The following ACTL6A variants were observed in gnomAD, a reference collection of about 807,000 sequenced individuals.
ACTL6A encodes actin-like protein 6A.
A neutral mutation model predicts 59.2 loss-of-function variants in ACTL6A; 5 were observed. The observed-to-expected ratio is 0.08, with a 90% CI of 0.04 to 0.18. The LOEUF (loss-of-function observed/expected upper bound fraction) is 0.18, where lower values mean the gene tolerates loss of function less well. Among genes scored for constraint, ACTL6A ranks in the 10% least tolerant of loss-of-function variants. ACTL6A has a pLI of 1.00. For synonymous variants in ACTL6A, 154 were observed against 171.8 expected (o/e 0.90, Z 0.81); for missense variants, 285 against 526.9 (o/e 0.54, Z 4.49).
At chr3:179,571,428 A>C (rs1718004103) in intron 3 of ACTL6A, among the ~76,000 whole-genome samples, 1 of 52,290 alleles carries the variant, frequency 1.9e-5, no homozygotes, top group African/African-American at 3.7e-5. Context: ...CTCAAAAAAA[A>C]AAACAAAAAA....
chr3:179,570,271 T>C lies in ACTL6A; in HGVS notation c.277+30T>C. The C allele has an allele frequency of 6.3e-7, 1 of 1,584,368 alleles. No individual in the cohort carries two copies. Among genetic ancestry groups the C allele is most frequent in the African/African-American group, 1.3e-5 (1 of 74,112 alleles). On this transcript the variant is annotated intron_variant, in intron 3 of 13. Transcript: ENST00000429709. This position sits in a 1 kb window ranked among gnomAD's most constrained non-coding sequence, Gnocchi z 4.3. The stretch of plus-strand genomic sequence containing the variant: ...GATGTTTTCCCCATGGAATTGATTA[T>C]GGAGTGTACATGTTATATTTTAGAT...
intron 1 of ACTL6A, 142 bp downstream of exon 1, chr3:179,563,259 C>T: frequency 7.3e-7 from 1 of 1,367,720 alleles, no homozygotes; most frequent in Non-Finnish European, 9.8e-7. Flanking sequence ...GTCCCCGCCC[C>T]ACGCTCTGCC....
chr3:179,573,449 G>C lies in ACTL6A; in HGVS notation c.358G>C (p.Val120Leu), dbSNP rs772675736. The C allele has an allele frequency of 1.3e-6, 2 of 1,576,184 alleles. No homozygotes were observed. The highest frequency in any genetic ancestry group is 2.4e-5 in the South Asian group (2 of 82,420). Residue 120 changes from valine to leucine, a missense_variant, in exon 4 of 14, where the codon GTT becomes CTT. Physicochemically the swap from Val to Leu is conservative, Grantham distance 32. Coordinates refer to ENST00000429709, the MANE Select transcript of ACTL6A (RefSeq NM_004301.5). ...HVKSEASLHP[V>L]LMSEAPWNTR... ...CAAATCAGAAGCCAGTCTCCATCCT[G>C]TTCTCATGTCAGAGGCACCGGTGAG...
intron 1 of ACTL6A, among the ~76,000 whole-genome samples, chr3:179,564,323 AT>A (rs1324865973): frequency 6.6e-6 from 1 of 152,140 alleles, no homozygotes. Context: ...CAAAAATAAG[AT>A]TTTTCCTTCA....
intron 13 of ACTL6A, 150 bp downstream of exon 13, chr3:179,586,782 T>C: frequency 1.6e-6 from 1 of 636,014 alleles, no homozygotes; most frequent in Non-Finnish European, 2.6e-6. Flanking sequence ...CAGTTTTATG[T>C]GTTCTGATGT....
Position 179,580,213 on chromosome 3 carries a change from T to C in ACTL6A, c.769-427T>C, listed in dbSNP as rs190275358. On this transcript the variant is annotated intron_variant, in intron 8 of 13. Transcript: ENST00000429709. ...GTCGTGTTAGTTCACAACATTTTAT[T>C]AAACTGTTTTATACTATGTACAGTC... 3.9e-5 allele frequency among the ~76,000 whole-genome samples: 6 copies of C among 152,358 alleles called. No homozygotes were observed. In the East Asian group the frequency reaches 1.2e-3, roughly 29 times the overall value.
At position 179,570,157 on chromosome 3, in the gene ACTL6A, G is replaced by A. The variant is rs142727005; in HGVS notation, c.193G>A (p.Gly65Ser). 5.2e-5 allele frequency: 84 copies of A among 1,613,922 alleles called. No individual in the cohort carries two copies. In the African/African-American group the frequency reaches 6.0e-4, roughly 12 times the overall value. The change falls in exon 3 of 14, where the codon GGT becomes AGT. Residue 65 changes from glycine (G) to serine (S), a missense_variant. Transcript: ENST00000429709. The surrounding 1 kb of genome is among the most constrained non-coding windows in gnomAD (Gnocchi z 4.3). ...AGATGGCGATAAAGGCAAACAAGGC[G>A]GTCCCACCTACTACATAGATACTAA... ...EIDGDKGKQG[G>S]PTYYIDTNAL...
In ACTL6A at chr3:179,572,982, C is replaced by CT. The variant is rs71628083; in HGVS notation, c.278-371dup. On this transcript the variant is annotated intron_variant, in intron 3 of 13. Coordinates refer to ENST00000429709, the MANE Select transcript of ACTL6A (RefSeq NM_004301.5). ...TCGGGTCTAGACCATACAATTCTTTCTTTTTTTTTTTTTTTTATAAATCCA... is the reference window on the plus strand; with the variant it reads ...TCGGGTCTAGACCATACAATTCTTTCTTTTTTTTTTTTTTTTTATAAATCCA... Among the ~76,000 whole-genome samples the CT allele has an allele frequency of 6.3e-3, 871 of 138,770 alleles. 14 individuals are homozygous for CT. Among genetic ancestry groups the CT allele is most frequent in the Middle Eastern group, 0.03 (8 of 270 alleles). The allele number at this position is 138,770 out of a possible 152,430, so 91.0% of individuals were successfully genotyped here. A position where few individuals can be genotyped will look rare whatever the true frequency, so the allele number is the denominator to read the frequency against.
chr3:179,588,067 T>G lies in ACTL6A; in HGVS notation c.*57T>G. The G allele has an allele frequency of 7.7e-7, 1 of 1,296,170 alleles. No individual in the cohort carries two copies. The highest frequency in any genetic ancestry group is 1.1e-6 in the Non-Finnish European group (1 of 936,494). 80.3% of individuals were successfully genotyped at this position (1,296,170 alleles called of 1,614,324 possible). On this transcript the variant is annotated 3_prime_UTR_variant, in exon 14 of 14. Transcript: ENST00000429709. ...GTCACCTTACGTTTCATAGCTTTAG[T>G]ATACTCAGGAAAAGAATGACCATCT...
intron 3 of ACTL6A, among the ~76,000 whole-genome samples, chr3:179,571,019 A>G (rs572305663): frequency 1.3e-5 from 2 of 152,234 alleles, no homozygotes; most frequent in South Asian, 4.1e-4. Flanking sequence ...AGCAAGAGAG[A>G]AGTTGAGAAA....
At chr3:179,571,580 G>A (rs1330966998) in intron 3 of ACTL6A, among the ~76,000 whole-genome samples, 1 of 152,140 alleles carries the variant, frequency 6.6e-6, no homozygotes, top group Non-Finnish European at 1.5e-5. Flanking sequence ...AAACAAAATC[G>A]ACAAAGGGAA....
intron 12 of ACTL6A, among the ~76,000 whole-genome samples, chr3:179,584,787 G>GA (rs951228853): frequency 6.5e-4 from 97 of 149,552 alleles, no homozygotes; most frequent in Admixed American, 1.0e-3. Flanking sequence ...TCTGGCTCAG[G>GA]AAAAAAAAAC....
chr3:179,581,089 C>T (rs1445768050), intron 10 of ACTL6A, 51 bp from the exon 11 acceptor site: 6 of 1,601,440 alleles, frequency 3.7e-6, no homozygotes, highest in African/African-American at 2.7e-5. Flanking sequence ...TTTGGATATG[C>T]TTTACTGTAT....
chr3:179,570,198 G>A lies in ACTL6A; in HGVS notation c.234G>A (p.Pro78=), dbSNP rs777785611. The change falls in exon 3 of 14, where the codon CCG becomes CCA. Residue 78 remains proline (P), a synonymous_variant. Coordinates refer to ENST00000429709, the MANE Select transcript of ACTL6A (RefSeq NM_004301.5). This position sits in a 1 kb window ranked among gnomAD's most constrained non-coding sequence, Gnocchi z 4.3. ...TAGATACTAATGCTCTGCGTGTTCC[G>A]AGGGAGAATATGGAGGCCATTTCAC... ...YYIDTNALRV[P]RENMEAISPL... The A allele has an allele frequency of 1.1e-5, 17 of 1,613,738 alleles. No individual in the cohort carries two copies. Among genetic ancestry groups the A allele is most frequent in the African/African-American group, 1.3e-5 (1 of 75,006 alleles).
At chr3:179,565,596 G>A (rs1717811533) in intron 1 of ACTL6A, among the ~76,000 whole-genome samples, 1 of 148,902 alleles carries the variant, frequency 6.7e-6, no homozygotes, top group African/African-American at 2.5e-5. Context: ...AGAGGTAATG[G>A]GGATGATGGA....
At chr3:179,567,130 G>C (rs141066179) in intron 1 of ACTL6A, among the ~76,000 whole-genome samples, 2,557 of 152,212 alleles carry the variant, frequency 0.017, 74 homozygotes, top group African/African-American at 0.058. Flanking sequence ...CTTTGGGAGG[G>C]CAAGGCGAGT....
At chr3:179,573,678 GAAC>G (rs1560011413) in intron 4 of ACTL6A, among the ~76,000 whole-genome samples, 1 of 151,992 alleles carries the variant, frequency 6.6e-6, no homozygotes, top group African/African-American at 2.4e-5. Flanking sequence ...AATATCCAGA[GAAC>G]AACAAAACAC....
At position 179,562,989 on chromosome 3, in the gene ACTL6A, A is replaced by G. The variant is rs1717707575; in HGVS notation, c.-104A>G. On this transcript the variant is annotated 5_prime_UTR_variant, in exon 1 of 14. Coordinates refer to ENST00000429709, the MANE Select transcript of ACTL6A (RefSeq NM_004301.5). Reference sequence around the variant, plus strand: ...GTTGCCTGAGGTGGGTGGCGGTGGAAGTTAAGGGAGTCAGGGGCTATCGCT... The same window carrying G: ...GTTGCCTGAGGTGGGTGGCGGTGGAGGTTAAGGGAGTCAGGGGCTATCGCT... 1 of 1,471,178 alleles carries G rather than the reference A, an allele frequency of 6.8e-7. No individual in the cohort carries two copies. The highest frequency in any genetic ancestry group is 1.9e-5 in the Admixed American group (1 of 53,122). The allele number at this position is 1,471,178 out of a possible 1,614,324, so 91.1% of individuals were successfully genotyped here.
At position 179,580,683 on chromosome 3, in the gene ACTL6A, A is replaced by T; in HGVS notation, c.812A>T (p.Asp271Val). The T allele has an allele frequency of 6.2e-7, 1 of 1,607,492 alleles. No homozygotes were observed. Among genetic ancestry groups the T allele is most frequent in the South Asian group, 1.1e-5 (1 of 89,968 alleles). Residue 271 changes from aspartate (D) to valine (V), a missense_variant, in exon 9 of 14, where the codon GAT (aspartate) becomes GTT (valine). Asp to Val is a radical substitution (Grantham distance 152). Transcript: ENST00000429709. ...CAAGCTTCGGTACTTCAAGTGTCAG[A>T]TTCAACTTATGATGAACAGTATGTT... Reference protein sequence around the residue: ...DFQASVLQVSDSTYDEQVAAQ... With the variant: ...DFQASVLQVSVSTYDEQVAAQ...
Sources: allele counts gnomAD v4.1 joint callset (sites outside exome capture counted in the v4.1 genomes callset), GRCh38; gene constraint gnomAD v4.1.1; non-coding constraint Gnocchi (gnomAD v3.1); transcripts MANE v1.5; gene names NCBI Gene and HGNC (gene_info 2026-07-23, HGNC 2026-07-21).